Variants in RBMS3 observed in about 807,000 individuals in gnomAD.
RBMS3 encodes RNA binding motif single stranded interacting protein 3.
RBMS3 carries 27 observed loss-of-function variants against 66.8 expected under a neutral mutation model. The observed-to-expected ratio is 0.40, with a 90% CI of 0.30 to 0.56. The LOEUF (loss-of-function observed/expected upper bound fraction) is 0.56. Ranked by LOEUF, RBMS3 falls within the 20% of genes least tolerant of loss-of-function variation. RBMS3 has a pLI of 0.40. For missense variants in RBMS3, 513 were observed against 549.5 expected (o/e 0.93, Z 0.66); for synonymous variants, 188 against 183.0 (o/e 1.03, Z -0.22).
Position 29,532,908 on chromosome 3 carries a change from G to A in RBMS3, c.307+44409G>A, listed in dbSNP as rs545607633. ...AAGCATGGCTCCTAAAATGTCTTTTGAATGAATTAAGCCACTGGATACCTA... is the reference window on the plus strand; with the variant it reads ...AAGCATGGCTCCTAAAATGTCTTTTAAATGAATTAAGCCACTGGATACCTA... On this transcript the variant is annotated intron_variant, in intron 3 of 14. Transcript: ENST00000383767. 5.7e-4 allele frequency among the ~76,000 whole-genome samples: 87 copies of A among 152,170 alleles called. 2 individuals carry two copies. The highest frequency in any genetic ancestry group is 2.0e-3 in the African/African-American group (81 of 41,512).
intron 5 of RBMS3, among the ~76,000 whole-genome samples, chr3:29,753,800 G>A (rs1300762191): frequency 6.6e-6 from 1 of 152,132 alleles, no homozygotes; most frequent in Non-Finnish European, 1.5e-5. Context: ...GGTCACCCAA[G>A]AAGAATGTTT....
At chr3:29,454,535 C>G (rs17023578) in intron 2 of RBMS3, among the ~76,000 whole-genome samples, 1 of 152,148 alleles carries the variant, frequency 6.6e-6, no homozygotes, top group South Asian at 2.1e-4. Context: ...CTCTAATCCG[C>G]GTCACCACCC....
intron 13 of RBMS3, among the ~76,000 whole-genome samples, chr3:29,990,355 C>T (rs2149800018): frequency 6.9e-6 from 1 of 144,012 alleles, no homozygotes; most frequent in Non-Finnish European, 1.5e-5. Flanking sequence ...CTTCTTAGGC[C>T]TACTAACAAC....
rs146485618 is a variant in RBMS3 at position 29,446,185 on chromosome 3, A to T, written c.248+11270A>T. Among the ~76,000 whole-genome samples, 251 of 152,222 alleles carry T rather than the reference A, an allele frequency of 1.6e-3. 4 individuals are homozygous for T. Among genetic ancestry groups the T allele is most frequent in the African/African-American group, 5.8e-3 (242 of 41,550 alleles). On this transcript the variant is annotated intron_variant, in intron 2 of 14. Coordinates refer to ENST00000383767, the MANE Select transcript of RBMS3 (RefSeq NM_001003793.3). ...CATTGTGGGTTCTAATTGACCACTTACTCATTGTGAAATCTTAATTAAGTC... is the reference window on the plus strand; with the variant it reads ...CATTGTGGGTTCTAATTGACCACTTTCTCATTGTGAAATCTTAATTAAGTC...
chr3:29,778,604 AT>A (rs1255155720), intron 6 of RBMS3, among the ~76,000 whole-genome samples: 1 of 151,832 alleles, frequency 6.6e-6, no homozygotes, highest in Non-Finnish European at 1.5e-5. Flanking sequence ...GCTTTGATGC[AT>A]ACATACTAGT....
intron 4 of RBMS3, among the ~76,000 whole-genome samples, chr3:29,663,859 T>A (rs1464099317): frequency 6.6e-6 from 1 of 152,232 alleles, no homozygotes; most frequent in Non-Finnish European, 1.5e-5. Flanking sequence ...AAGGCCATGT[T>A]CCCAGTGTCT....
intron 1 of RBMS3, among the ~76,000 whole-genome samples, chr3:29,414,576 G>T (rs1040371709): frequency 6.6e-6 from 1 of 152,116 alleles, no homozygotes; most frequent in Non-Finnish European, 1.5e-5. Context: ...GATTGTATTT[G>T]TATCATTGCT....
chr3:29,596,136 CTAT>C (rs1427987054), intron 4 of RBMS3, among the ~76,000 whole-genome samples: 5 of 152,196 alleles, frequency 3.3e-5, no homozygotes, highest in East Asian at 3.8e-4. Flanking sequence ...ATGTAACCAA[CTAT>C]AATTGGCTTT....
chr3:29,998,680 G>A (rs1041040994), intron 14 of RBMS3, among the ~76,000 whole-genome samples: 1 of 151,896 alleles, frequency 6.6e-6, no homozygotes, highest in South Asian at 2.1e-4. Context: ...ATTCCCTATT[G>A]AATAAATGGT....
chr3:29,471,516 G>C (rs1179660839), intron 2 of RBMS3, among the ~76,000 whole-genome samples: 1 of 152,110 alleles, frequency 6.6e-6, no homozygotes, highest in Non-Finnish European at 1.5e-5. Context: ...TTTGTTGTTA[G>C]GTGAATTCCA....
intron 3 of RBMS3, among the ~76,000 whole-genome samples, chr3:29,541,397 C>A (rs138374996): frequency 6.6e-6 from 1 of 151,862 alleles, no homozygotes; most frequent in African/African-American, 2.4e-5. Flanking sequence ...GTTGCTTAGG[C>A]CTAATGTCTC....
intron 5 of RBMS3, among the ~76,000 whole-genome samples, chr3:29,743,238 C>A (rs1425217170): frequency 1.3e-5 from 2 of 152,188 alleles, no homozygotes; most frequent in Non-Finnish European, 2.9e-5. Flanking sequence ...CAACTTAATT[C>A]TTGCACAAAT....
At chr3:29,660,664 T>C (rs962104117) in intron 4 of RBMS3, among the ~76,000 whole-genome samples, 2 of 152,208 alleles carry the variant, frequency 1.3e-5, no homozygotes, top group South Asian at 2.1e-4. Flanking sequence ...AAAAATATTG[T>C]CTCTGTACCA....
At chr3:29,861,956 A>G (rs1434265677) in intron 6 of RBMS3, among the ~76,000 whole-genome samples, 1 of 152,182 alleles carries the variant, frequency 6.6e-6, no homozygotes, top group Non-Finnish European at 1.5e-5. Flanking sequence ...CCACTTCCAC[A>G]AAGACCTCTT....
chr3:29,511,872 A>G (rs1322298954), intron 3 of RBMS3, among the ~76,000 whole-genome samples: 1 of 152,194 alleles, frequency 6.6e-6, no homozygotes, highest in Non-Finnish European at 1.5e-5. Context: ...ATTTCTGTTC[A>G]TATTCAGAGC....
At chr3:29,642,766 A>G (rs2049771110) in intron 4 of RBMS3, 1 of 152,170 alleles carries the variant, frequency 6.6e-6, no homozygotes, top group African/African-American at 2.4e-5. Flanking sequence ...CTCAGAGTGG[A>G]AGAAAGAAGA....
At chr3:29,293,510 A>G (rs1261703987) in intron 1 of RBMS3, among the ~76,000 whole-genome samples, 2 of 151,800 alleles carry the variant, frequency 1.3e-5, no homozygotes, top group Admixed American at 6.6e-5. Flanking sequence ...GGAGCCTGGT[A>G]AAAAGAGTGT....
At chr3:29,401,101 G>A (rs1341162203) in intron 1 of RBMS3, among the ~76,000 whole-genome samples, 1 of 151,990 alleles carries the variant, frequency 6.6e-6, no homozygotes, top group Non-Finnish European at 1.5e-5. Flanking sequence ...TTAACTGCTG[G>A]TGTCATATGG....
chr3:29,863,517 T>C (rs2149538788), intron 6 of RBMS3, among the ~76,000 whole-genome samples: 1 of 152,284 alleles, frequency 6.6e-6, no homozygotes, highest in South Asian at 2.1e-4. Context: ...ATGTTTTAAC[T>C]TAGCAATGTC....
Sources: gnomAD v4.1 joint callset for allele counts (sites outside exome capture counted in the v4.1 genomes callset) on GRCh38, gnomAD v4.1.1 for gene constraint, MANE v1.5 for transcripts, NCBI Gene and HGNC (gene_info 2026-07-23, HGNC 2026-07-21) for gene names.